The following KHDRBS1 variants were observed in gnomAD, a reference collection of about 807,000 sequenced individuals.
KHDRBS1 encodes the protein KH domain-containing, RNA-binding, signal transduction-associated protein 1.
KHDRBS1 carries 7 observed loss-of-function variants against 48.4 expected under a neutral mutation model. That is an observed-to-expected ratio of 0.14 (90% confidence interval 0.08 to 0.27). The LOEUF (loss-of-function observed/expected upper bound fraction) is 0.27. Among genes scored for constraint, KHDRBS1 ranks in the 10% least tolerant of loss-of-function variants. The pLI is 1.00. For missense variants in KHDRBS1, 458 were observed against 601.2 expected, an observed-to-expected ratio of 0.76 and a Z score of 2.49; for synonymous variants, 241 against 235.8, an observed-to-expected ratio of 1.02 and a Z score of -0.20.
chr1:32,044,567 A>G (rs932387452), downstream of KHDRBS1, among the ~76,000 whole-genome samples: 7 of 152,236 alleles, frequency 4.6e-5, no homozygotes, highest in Non-Finnish European at 1.0e-4. Context: ...CTTGTATTGA[A>G]GTGCCAAGCT....
chr1:32,022,080 C>T (rs1405312495), intron 1 of KHDRBS1, among the ~76,000 whole-genome samples: 3 of 151,838 alleles, frequency 2.0e-5, no homozygotes, highest in African/African-American at 7.3e-5. Flanking sequence ...CGATTCTCCT[C>T]TCTCAGCCTC....
intron 1 of KHDRBS1, among the ~76,000 whole-genome samples, chr1:32,015,263 C>T (rs1017434802): frequency 6.6e-6 from 1 of 152,160 alleles, no homozygotes; most frequent in African/African-American, 2.4e-5. Flanking sequence ...GCGCTCTTTT[C>T]CTCATCAGCA....
At chr1:32,017,894 A>G (rs923625147) in intron 1 of KHDRBS1, among the ~76,000 whole-genome samples, 8 of 151,928 alleles carry the variant, frequency 5.3e-5, no homozygotes, top group Non-Finnish European at 8.8e-5. Context: ...GGCATGAGCC[A>G]CTGCGCCCGG....
chr1:32,033,035 CTTTTTTT>C (rs1407240880), intron 3 of KHDRBS1, among the ~76,000 whole-genome samples, 146 bp from the exon 4 acceptor site: 3 of 151,654 alleles, frequency 2.0e-5, no homozygotes, highest in African/African-American at 4.8e-5. Flanking sequence ...TTTCTTTTTT[CTTTTTTT>C]GTTTAATTCT....
At chr1:32,051,308 C>G (rs1639417251) in intron 10 of KHDRBS1, among the ~76,000 whole-genome samples, 1 of 152,158 alleles carries the variant, frequency 6.6e-6, no homozygotes, top group Admixed American at 6.5e-5. Context: ...ATCAGTTAAC[C>G]ACAGATGTAT....
chr1:32,039,418 A>G (rs1177929511), intron 7 of KHDRBS1, 97 bp from the exon 8 acceptor site: 1 of 758,378 alleles, frequency 1.3e-6, no homozygotes, highest in Non-Finnish European at 2.4e-6. Flanking sequence ...TCCTGTATTA[A>G]TACACTTAGT....
Position 32,014,373 on chromosome 1 carries a change from G to T in KHDRBS1, c.378G>T (p.Thr126=). Residue 126 remains threonine (T), a synonymous_variant, in exon 1 of 9, where the codon ACG becomes ACT. Transcript: ENST00000327300. The part of the protein sequence containing the change: ...PSFTHAMQLL[T]AEIEKIQKGD... ...TCACTCACGCCATGCAGCTGCTGAC[G>T]GCAGGTAAGGGGGCCTCCCGTGTCC... is the stretch of plus-strand genomic sequence containing the variant. 7.1e-7 allele frequency: 1 copy of T among 1,415,558 alleles called. No homozygotes were observed. Among genetic ancestry groups the T allele is most frequent in the East Asian group, 2.9e-5 (1 of 34,214 alleles). The allele number at this position is 1,415,558 out of a possible 1,614,324, so 87.7% of individuals were successfully genotyped here.
At chr1:32,040,831 C>CCT (rs1277916782) in intron 8 of KHDRBS1, among the ~76,000 whole-genome samples, 2 of 152,172 alleles carry the variant, frequency 1.3e-5, no homozygotes, top group Admixed American at 1.3e-4. Context: ...AAGAGGAGCC[C>CCT]CTTAGGGCCT....
intron 10 of KHDRBS1, among the ~76,000 whole-genome samples, chr1:32,059,183 A>G (rs915349890): frequency 2.7e-5 from 4 of 150,020 alleles, no homozygotes; most frequent in African/African-American, 1.0e-4. Flanking sequence ...AAAAAAAAAA[A>G]ACAAAACCTT....
chr1:32,055,073 T>C (rs972041626), intron 10 of KHDRBS1, among the ~76,000 whole-genome samples: 1 of 152,184 alleles, frequency 6.6e-6, no homozygotes, highest in Non-Finnish European at 1.5e-5. Context: ...GGCCGCATGA[T>C]CAGCTTACAC....
chr1:32,038,170 C>T (rs1034295821), intron 6 of KHDRBS1, 134 bp downstream of exon 6: 163 of 1,361,208 alleles, frequency 1.2e-4, no homozygotes, highest in Non-Finnish European at 1.5e-4. Flanking sequence ...TCTTCTCTTG[C>T]AGTGAATGTT....
At chr1:32,053,459 T>C (rs779961222) in intron 10 of KHDRBS1, among the ~76,000 whole-genome samples, 9 of 152,128 alleles carry the variant, frequency 5.9e-5, no homozygotes, top group Non-Finnish European at 1.0e-4. Context: ...GGTGTGATCA[T>C]AGCTCGCTGC....
At chr1:32,033,432 C>A in intron 4 of KHDRBS1, 98 bp downstream of exon 4, 4 of 1,475,794 alleles carry the variant, frequency 2.7e-6, no homozygotes, top group Non-Finnish European at 3.7e-6. Flanking sequence ...TCTGCATAAC[C>A]TGTATGTATA....
chr1:32,039,264 G>T (rs1051355715), intron 7 of KHDRBS1, among the ~76,000 whole-genome samples: 1 of 152,054 alleles, frequency 6.6e-6, no homozygotes, highest in African/African-American at 2.4e-5. Context: ...TATTAAAAGG[G>T]TCAATTTAGG....
chr1:32,041,047 A>G (rs1355057330), intron 8 of KHDRBS1, among the ~76,000 whole-genome samples: 2 of 152,138 alleles, frequency 1.3e-5, no homozygotes, highest in Non-Finnish European at 2.9e-5. Flanking sequence ...ACTAAATTGC[A>G]TTTCTGTTTT....
chr1:32,038,005 C>T lies in KHDRBS1; in HGVS notation c.1076C>T (p.Pro359Leu), dbSNP rs1639216950. 1 of 1,614,202 alleles carries T rather than the reference C, an allele frequency of 6.2e-7. No homozygotes were observed. Among genetic ancestry groups the T allele is most frequent in the Non-Finnish European group, 8.5e-7 (1 of 1,180,020 alleles). Residue 359 changes from proline (P) to leucine (L), a missense_variant, in exon 6 of 9, where the codon CCA becomes CTA. By Grantham distance (98) the Pro-to-Leu change is moderately conservative. Around this residue, in one of 3 missense-constraint regions of KHDRBS1, gnomAD observed 171 missense variants for 228.7 expected, o/e 0.75. Transcript: ENST00000327300. ...TAGIQRIPLP[P>L]PPAPETYEEY... ...GGCATCCAGAGGATACCTTTGCCTC[C>T]ACCTCCTGCACCAGAAACATATGAA...
rs532141162 is a variant in KHDRBS1 at position 32,020,693 on chromosome 1, A to C, written c.382+6316A>C. Reference sequence around the variant, plus strand: ...ACAAGAGAATTAAGCTGAGTGAAGAAAGCCAATCTCAAAAGGTTACATACT... The same window carrying C: ...ACAAGAGAATTAAGCTGAGTGAAGACAGCCAATCTCAAAAGGTTACATACT... On this transcript the variant is annotated intron_variant, in intron 1 of 8. Coordinates refer to ENST00000327300, the MANE Select transcript of KHDRBS1 (RefSeq NM_006559.3). 2.2e-4 allele frequency among the ~76,000 whole-genome samples: 34 copies of C among 152,316 alleles called. No homozygotes were observed. The South Asian group carries it at 6.8e-3, about 31-fold the overall frequency.
At chr1:32,056,378 A>G (rs575810535) in intron 10 of KHDRBS1, among the ~76,000 whole-genome samples, 48 of 152,340 alleles carry the variant, frequency 3.2e-4, no homozygotes, top group African/African-American at 1.0e-3. Flanking sequence ...CAGCCAGTCT[A>G]TCAGCCCAGA....
chr1:32,034,215 A>G (rs1449793246), intron 4 of KHDRBS1, among the ~76,000 whole-genome samples: 3 of 152,208 alleles, frequency 2.0e-5, no homozygotes, highest in Non-Finnish European at 4.4e-5. Context: ...TAAATGAGGG[A>G]ATTAGAACTA....
Sources: allele counts gnomAD v4.1 joint callset (sites outside exome capture counted in the v4.1 genomes callset), GRCh38; gene constraint gnomAD v4.1.1; regional missense constraint gnomAD v4.1.1; transcripts MANE v1.5; gene names NCBI Gene and HGNC (gene_info 2026-07-23, HGNC 2026-07-21).